The following NRXN2 variants were observed in gnomAD, a reference collection of about 807,000 sequenced individuals.
NRXN2 encodes the protein neurexin 2, also known as neurexin-2-beta.
In NRXN2, 29 loss-of-function variants were observed where a neutral mutation model predicts 128.8. The observed-to-expected ratio is 0.23, with a 90% CI of 0.17 to 0.31. The LOEUF (loss-of-function observed/expected upper bound fraction) is 0.31. Among genes scored for constraint, NRXN2 ranks in the 10% least tolerant of loss-of-function variants. The pLI is 1.00. For missense variants in NRXN2, 1,881 were observed against 2,452.6 expected (o/e 0.77, Z 4.92); for synonymous variants, 1,098 against 1,075.2 (o/e 1.02, Z -0.41).
chr11:64,613,635 A>G (rs1273043123), intron 22 of NRXN2, among the ~76,000 whole-genome samples: 1 of 152,234 alleles, frequency 6.6e-6, no homozygotes, highest in African/African-American at 2.4e-5. Flanking sequence ...CACCCTTGGC[A>G]GCAGAGCCAC....
chr11:64,694,194 C>G (rs951426323), intron 3 of NRXN2, among the ~76,000 whole-genome samples: 5 of 152,180 alleles, frequency 3.3e-5, no homozygotes, highest in Admixed American at 2.0e-4. Context: ...TCAGAGCCCC[C>G]CCAGCCCCAC....
At chr11:64,655,534 A>G (rs2048140177) in intron 11 of NRXN2, among the ~76,000 whole-genome samples, 1 of 152,004 alleles carries the variant, frequency 6.6e-6, no homozygotes. Context: ...AGTCTTCACC[A>G]ATGAAGGGTC....
In NRXN2 at chr11:64,699,573, C is replaced by T. The variant is rs79789827; in HGVS notation, c.731-1781G>A. Among the ~76,000 whole-genome samples the T allele has an allele frequency of 6.4e-3, 971 of 151,920 alleles. 9 individuals carry two copies. The highest frequency in any genetic ancestry group is 0.022 in the African/African-American group (923 of 41,440). ...AGCCTCCGGCATGCGCTACCACACCCGGCTACTTTTTGTATTTTCAGTAGA... is the reference window on the plus strand; with the variant it reads ...AGCCTCCGGCATGCGCTACCACACCTGGCTACTTTTTGTATTTTCAGTAGA... On this transcript the variant is annotated intron_variant, in intron 2 of 22. Transcript: ENST00000265459.
At chr11:64,664,746 C>T (rs950809055) in intron 9 of NRXN2, among the ~76,000 whole-genome samples, 5 of 152,134 alleles carry the variant, frequency 3.3e-5, no homozygotes, top group Non-Finnish European at 5.9e-5. Flanking sequence ...AATCCCATCA[C>T]TTTGGGAGGC....
chr11:64,634,544 C>T (rs1197383719), intron 18 of NRXN2, among the ~76,000 whole-genome samples: 1 of 152,036 alleles, frequency 6.6e-6, no homozygotes, highest in Non-Finnish European at 1.5e-5. Context: ...GGGAAGGAAC[C>T]AAGGTCAAGG....
At chr11:64,662,860 T>C (rs1377064084) in intron 9 of NRXN2, among the ~76,000 whole-genome samples, 2 of 152,028 alleles carry the variant, frequency 1.3e-5, no homozygotes, top group Non-Finnish European at 2.9e-5. Context: ...CAAGACCCCA[T>C]TGCAGACATC....
chr11:64,690,337 C>A, intron 5 of NRXN2, 68 bp downstream of exon 5: 2 of 1,448,330 alleles, frequency 1.4e-6, no homozygotes, highest in East Asian at 2.3e-5. Flanking sequence ...TGGCTTCCCC[C>A]CAGGAAGCAC....
chr11:64,688,333 A>AG (rs1280568732), intron 5 of NRXN2: 2 of 985,328 alleles, frequency 2.0e-6, no homozygotes, highest in African/African-American at 3.5e-5. Flanking sequence ...AAGAGGCCTG[A>AG]GGAGCAGCCA....
intron 2 of NRXN2, among the ~76,000 whole-genome samples, chr11:64,701,990 C>T (rs1435459006): frequency 6.8e-6 from 1 of 147,014 alleles, no homozygotes; most frequent in African/African-American, 2.6e-5. Flanking sequence ...CTGCCCCGTC[C>T]GGGAGGGAGG....
chr11:64,702,243 C>A (rs1265587054), intron 2 of NRXN2, among the ~76,000 whole-genome samples: 6 of 152,060 alleles, frequency 3.9e-5, no homozygotes, highest in African/African-American at 1.4e-4. Flanking sequence ...TCTGCCCGGC[C>A]GCCCCTACTG....
At position 64,653,682 on chromosome 11, in the gene NRXN2, G is replaced by T; in HGVS notation, c.2416+14C>A. 6.3e-7 allele frequency: 1 copy of T among 1,594,762 alleles called. No homozygotes were observed. ...CCCCTTGGGTCTCTGCAGAAGAAGAGGGAAGCCACTTACTGGGTGCGCAGC... is the reference window on the plus strand; with the variant it reads ...CCCCTTGGGTCTCTGCAGAAGAAGATGGAAGCCACTTACTGGGTGCGCAGC... On this transcript the variant is annotated intron_variant, in intron 12 of 22. Coordinates refer to ENST00000265459, the MANE Select transcript of NRXN2 (RefSeq NM_015080.4).
chr11:64,606,970 T>G lies in NRXN2; in HGVS notation c.*226A>C. ...GTGCCCTGCCTGGCAGGCGCAGAGC[T>G]GAGAGGGACAGTCAGCCCCGGGACT... On this transcript the variant is annotated 3_prime_UTR_variant, in exon 23 of 23. Coordinates refer to ENST00000265459, the MANE Select transcript of NRXN2 (RefSeq NM_015080.4). 1.7e-6 allele frequency: 1 copy of G among 572,032 alleles called. No individual in the cohort carries two copies. The highest frequency in any genetic ancestry group is 4.6e-4 in the Middle Eastern group (1 of 2,152). The allele number at this position is 572,032 out of a possible 1,614,324, so 35.4% of individuals were successfully genotyped here.
Position 64,622,954 on chromosome 11 carries a change from G to T in NRXN2, c.3972C>A (p.Ala1324=). 6.2e-7 allele frequency: 1 copy of T among 1,613,300 alleles called. No individual in the cohort carries two copies. Among genetic ancestry groups the T allele is most frequent in the Non-Finnish European group, 8.5e-7 (1 of 1,179,776 alleles). The change falls in exon 21 of 23, where the codon GCC becomes GCA. Residue 1324 remains alanine (A), a synonymous_variant. Coordinates refer to ENST00000265459, the MANE Select transcript of NRXN2 (RefSeq NM_015080.4). This position sits in a 1 kb window ranked among gnomAD's most constrained non-coding sequence, Gnocchi z 4.3. ...TCCGCACATTGGGGTCGCTCTCGGCGGCCAGCGCCAGCACCTTGAGCCCAT... is the reference window on the plus strand; with the variant it reads ...TCCGCACATTGGGGTCGCTCTCGGCTGCCAGCGCCAGCACCTTGAGCCCAT... The part of the protein sequence containing the change: ...YYNGLKVLAL[A]AESDPNVRTE...
chr11:64,704,422 T>C (rs538974497), intron 2 of NRXN2, among the ~76,000 whole-genome samples: 4 of 152,244 alleles, frequency 2.6e-5, no homozygotes, highest in South Asian at 2.1e-4. Flanking sequence ...AGCCTTGCTC[T>C]ATAGGAGTCA....
chr11:64,720,029 A>G (rs2057394229), intron 1 of NRXN2, among the ~76,000 whole-genome samples: 1 of 152,208 alleles, frequency 6.6e-6, no homozygotes, highest in South Asian at 2.1e-4. Context: ...TGTTACTACT[A>G]TCATTGCCAT....
At chr11:64,692,684 T>TA (rs1343286263) in intron 4 of NRXN2, among the ~76,000 whole-genome samples, 163 bp downstream of exon 4, 1 of 76,924 alleles carries the variant, frequency 1.3e-5, no homozygotes, top group African/African-American at 5.1e-5. Context: ...ACCCCCCAAA[T>TA]AAAATTAAGA....
chr11:64,687,203 G>A (rs1454748572), intron 5 of NRXN2, among the ~76,000 whole-genome samples: 2 of 152,230 alleles, frequency 1.3e-5, no homozygotes, highest in African/African-American at 4.8e-5. Flanking sequence ...GCCCAAGCAA[G>A]AACAGGCACA....
chr11:64,668,567 C>T lies in NRXN2; in HGVS notation c.1235G>A (p.Gly412Asp). 2 of 1,613,496 alleles carry T rather than the reference C, an allele frequency of 1.2e-6. No individual in the cohort carries two copies. The highest frequency in any genetic ancestry group is 1.7e-6 in the Non-Finnish European group (2 of 1,179,824). Residue 412 changes from glycine (G) to aspartate (D), a missense_variant, in exon 8 of 23, where the codon GGC becomes GAC. By Grantham distance (94) the Gly-to-Asp change is moderately conservative (BLOSUM62 -1). This residue lies in a region of NRXN2 where 997 missense variants were observed against 1,240.8 expected (regional missense o/e 0.80). Coordinates refer to ENST00000265459, the MANE Select transcript of NRXN2 (RefSeq NM_015080.4). ...ISVDGILTTTGYTQEDYTMLG... is the reference protein window; with the variant it reads ...ISVDGILTTTDYTQEDYTMLG... ...CATGGTGTAATCCTCCTGCGTGTAGCCTGTGGTGGTCAGGATCCCGTCCAC... is the reference window on the plus strand; with the variant it reads ...CATGGTGTAATCCTCCTGCGTGTAGTCTGTGGTGGTCAGGATCCCGTCCAC...
In NRXN2 at chr11:64,667,042, C is replaced by G. The variant is rs2049970559; in HGVS notation, c.1798+208G>C. Among the ~76,000 whole-genome samples the G allele has an allele frequency of 6.6e-6, 1 of 152,150 alleles. No individual in the cohort carries two copies. The highest frequency in any genetic ancestry group is 2.1e-4 in the South Asian group (1 of 4,832). ...AGGGGAGCTGAGGTGTAATCCAGGT[C>G]TGACTGATGCCAAATGCTGTGCTCT... On this transcript the variant is annotated intron_variant, in intron 9 of 22. Coordinates refer to ENST00000265459, the MANE Select transcript of NRXN2 (RefSeq NM_015080.4). The surrounding 1 kb of genome is among the most constrained non-coding windows in gnomAD (Gnocchi z 5.6).
Sources: gnomAD v4.1 joint callset for allele counts (sites outside exome capture counted in the v4.1 genomes callset) on GRCh38, gnomAD v4.1.1 for gene constraint, gnomAD v4.1.1 regional missense constraint, Gnocchi (gnomAD v3.1) non-coding constraint, MANE v1.5 for transcripts, NCBI Gene and HGNC (gene_info 2026-07-23, HGNC 2026-07-21) for gene names.